Variants in CMIP observed in about 807,000 individuals in gnomAD.
The protein encoded by CMIP is c-Maf inducing protein.
CMIP carries 13 observed loss-of-function variants against 97.3 expected under a neutral mutation model. The ratio of observed to expected loss-of-function variants is 0.13; its 90% CI spans 0.09 to 0.21. The LOEUF (loss-of-function observed/expected upper bound fraction) is 0.21, where lower values mean the gene tolerates loss of function less well. Ranked by LOEUF, CMIP falls within the 10% of genes least tolerant of loss-of-function variation. The pLI, the probability that CMIP is intolerant of heterozygous loss-of-function variation, is 1.00. For synonymous variants in CMIP, 538 were observed against 436.3 expected, an observed-to-expected ratio of 1.23 and a Z score of -2.91; for missense variants, 847 against 1,024.9, an observed-to-expected ratio of 0.83 and a Z score of 2.37.
rs1328494878 is a variant in CMIP at position 81,616,803 on chromosome 16, G to A, written c.427-4073G>A. ...GAGACTGATGTGTAGCAGTGTCTGT[G>A]GTCAGTGGCTCTGAAGAAATCCGTC... On this transcript the variant is annotated intron_variant, in intron 2 of 20. Coordinates refer to ENST00000537098, the MANE Select transcript of CMIP (RefSeq NM_198390.3). The surrounding 1 kb of genome is among the most constrained non-coding windows in gnomAD (Gnocchi z 4.7). Among the ~76,000 whole-genome samples the A allele has an allele frequency of 2.0e-5, 3 of 152,364 alleles. No individual in the cohort carries two copies. The highest frequency in any genetic ancestry group is 3.9e-4 in the East Asian group (2 of 5,176).
At chr16:81,588,277 A>G (rs955162375) in intron 1 of CMIP, among the ~76,000 whole-genome samples, 2 of 152,182 alleles carry the variant, frequency 1.3e-5, no homozygotes, top group Non-Finnish European at 1.5e-5. Context: ...AAAGTACCCA[A>G]GTCTGTCTTT....
intron 1 of CMIP, among the ~76,000 whole-genome samples, chr16:81,493,648 A>G (rs1284413897): frequency 2.6e-5 from 4 of 152,226 alleles, no homozygotes; most frequent in Non-Finnish European, 5.9e-5. Flanking sequence ...CACTCTCCGC[A>G]TGGGAAAACT....
intron 10 of CMIP, among the ~76,000 whole-genome samples, chr16:81,685,309 C>G (rs1005297973): frequency 6.6e-6 from 1 of 152,118 alleles, no homozygotes. Context: ...CAGACCCCGC[C>G]TCAGACAGGC....
intron 14 of CMIP, chr16:81,698,183 G>A (rs973428132): frequency 3.3e-5 from 5 of 152,392 alleles, no homozygotes; most frequent in African/African-American, 1.2e-4. Context: ...GAGATGCATG[G>A]CTTGGAAGCC....
At chr16:81,570,545 G>T (rs755787251) in intron 1 of CMIP, among the ~76,000 whole-genome samples, 21 of 152,128 alleles carry the variant, frequency 1.4e-4, no homozygotes, top group Admixed American at 3.9e-4. Context: ...AGGTGGAAAC[G>T]CCAGGGAGCC....
intron 1 of CMIP, among the ~76,000 whole-genome samples, chr16:81,488,007 C>G (rs1427572976): frequency 2.0e-5 from 3 of 152,170 alleles, no homozygotes; most frequent in African/African-American, 7.2e-5. Flanking sequence ...AGCCTCGCAT[C>G]TTACTTTAAT....
intron 1 of CMIP, among the ~76,000 whole-genome samples, chr16:81,462,749 G>A (rs997126521): frequency 3.3e-5 from 5 of 152,180 alleles, no homozygotes; most frequent in African/African-American, 4.8e-5. Context: ...CTCTGATAAG[G>A]TGTAGTGCAT....
At chr16:81,672,226 A>G (rs999261137) in intron 9 of CMIP, among the ~76,000 whole-genome samples, 156 bp downstream of exon 9, 5 of 152,212 alleles carry the variant, frequency 3.3e-5, no homozygotes, top group African/African-American at 1.2e-4. Flanking sequence ...CCCTGGGCAC[A>G]TTGATTCATG....
At chr16:81,642,280 G>A (rs1464652186) in intron 3 of CMIP, among the ~76,000 whole-genome samples, 1 of 152,168 alleles carries the variant, frequency 6.6e-6, no homozygotes, top group Non-Finnish European at 1.5e-5. Context: ...TGCAGGGGCT[G>A]GTTTGTCTCA....
chr16:81,530,233 A>C (rs1220015754), intron 1 of CMIP, among the ~76,000 whole-genome samples: 2 of 152,202 alleles, frequency 1.3e-5, no homozygotes. Context: ...ATGAGGCTCC[A>C]GCCTTCTTAC....
chr16:81,656,770 G>T (rs756210017), intron 4 of CMIP, among the ~76,000 whole-genome samples: 6 of 152,032 alleles, frequency 3.9e-5, no homozygotes, highest in Non-Finnish European at 8.8e-5. Context: ...CCCGAGTAGC[G>T]AGTACCATGC....
chr16:81,705,577 A>T lies in CMIP; in HGVS notation c.2170A>T (p.Thr724Ser). ...GCTGAACCTGTGCGAGACCCCGGTC[A>T]CAGACGCTGGCCTGCTGGCCCTGAG... ...QVLNLCETPV[T>S]DAGLLALSSM... is the part of the protein sequence containing the mutation. The change falls in exon 19 of 21, where the codon ACA becomes TCA. Residue 724 changes from threonine (T) to serine (S), a missense_variant. By Grantham distance (58) the Thr-to-Ser change is moderately conservative. Around this residue, in one of 4 missense-constraint regions of CMIP, gnomAD observed 266 missense variants for 384.2 expected, o/e 0.69. Coordinates refer to ENST00000537098, the MANE Select transcript of CMIP (RefSeq NM_198390.3). 3 of 1,606,990 alleles carry T rather than the reference A, an allele frequency of 1.9e-6. No individual in the cohort carries two copies. The highest frequency in any genetic ancestry group is 2.5e-6 in the Non-Finnish European group (3 of 1,177,842).
intron 11 of CMIP, among the ~76,000 whole-genome samples, chr16:81,692,697 G>A (rs962080543): frequency 4.6e-5 from 7 of 152,214 alleles, no homozygotes; most frequent in South Asian, 2.1e-4. Flanking sequence ...GAGTCGTGAC[G>A]TCATTGGCCT....
chr16:81,612,722 C>CCAGAAGTCGGAAGCCTGGA (rs2091851805), intron 2 of CMIP, among the ~76,000 whole-genome samples: 1 of 152,174 alleles, frequency 6.6e-6, no homozygotes, highest in Non-Finnish European at 1.5e-5. Context: ...AGATTTAACA[C>CCAGAAGTCGGAAGCCTGGA]CAGAAGTCGG....
At chr16:81,459,044 A>G (rs1178428733) in intron 1 of CMIP, among the ~76,000 whole-genome samples, 15 of 141,078 alleles carry the variant, frequency 1.1e-4, no homozygotes, top group South Asian at 2.3e-4. Flanking sequence ...CACCATCACC[A>G]TCACCATCAC....
At position 81,705,287 on chromosome 16, in the gene CMIP, A is replaced by C. The variant is rs560871431; in HGVS notation, c.2092-212A>C. Among the ~76,000 whole-genome samples, 10 of 152,222 alleles carry C rather than the reference A, an allele frequency of 6.6e-5. No individual in the cohort carries two copies. In the East Asian group the frequency reaches 1.9e-3, roughly 29 times the overall value. Reference sequence around the variant, plus strand: ...TCCAAGGGGGCCCTGGCCTGGCTCCACTCCCAACAGCAGAAGCTGGATTCT... The same window carrying C: ...TCCAAGGGGGCCCTGGCCTGGCTCCCCTCCCAACAGCAGAAGCTGGATTCT... On this transcript the variant is annotated intron_variant, in intron 18 of 20. Coordinates refer to ENST00000537098, the MANE Select transcript of CMIP (RefSeq NM_198390.3).
chr16:81,652,116 TA>T lies in CMIP; in HGVS notation c.478-85del. On this transcript the variant is annotated intron_variant, in intron 3 of 20. Coordinates refer to ENST00000537098, the MANE Select transcript of CMIP (RefSeq NM_198390.3). The surrounding 1 kb of genome is among the most constrained non-coding windows in gnomAD (Gnocchi z 5.2). The stretch of plus-strand genomic sequence containing the variant: ...CAGTTTCTCAGGGCCCTTTACACCC[TA>T]ACCCATCTGATTCTTTGATTGTCTT... 8.9e-7 allele frequency: 1 copy of T among 1,125,310 alleles called. No individual in the cohort carries two copies. Among genetic ancestry groups the T allele is most frequent in the Non-Finnish European group, 1.3e-6 (1 of 761,648 alleles). 69.7% of individuals were successfully genotyped at this position (1,125,310 alleles called of 1,614,324 possible).
At chr16:81,669,511 ACCT>A (rs2092657736) in intron 7 of CMIP, among the ~76,000 whole-genome samples, 1 of 89,520 alleles carries the variant, frequency 1.1e-5, no homozygotes, top group Non-Finnish European at 2.3e-5. Context: ...TCCACCTCAC[ACCT>A]CCACACCCAC....
rs1399104931 is a variant in CMIP at position 81,709,901 on chromosome 16, G to C, written c.*102G>C. 1.0e-6 allele frequency: 1 copy of C among 968,860 alleles called. No individual in the cohort carries two copies. The highest frequency in any genetic ancestry group is 1.5e-6 in the Non-Finnish European group (1 of 670,104). 60.0% of individuals were successfully genotyped at this position (968,860 alleles called of 1,614,324 possible). A position where few individuals can be genotyped will look rare whatever the true frequency, so the allele number is the denominator to read the frequency against. ...TCCTGGGGTCCCACCCTGGTGCCCT[G>C]GCTGTGAGATAGATGGGGAGTCTTT... is the stretch of plus-strand genomic sequence containing the variant. On this transcript the variant is annotated 3_prime_UTR_variant, in exon 21 of 21. Transcript: ENST00000537098.
Sources: gnomAD v4.1 joint callset for allele counts (sites outside exome capture counted in the v4.1 genomes callset) on GRCh38, gnomAD v4.1.1 for gene constraint, gnomAD v4.1.1 regional missense constraint, Gnocchi (gnomAD v3.1) non-coding constraint, MANE v1.5 for transcripts, NCBI Gene and HGNC (gene_info 2026-07-23, HGNC 2026-07-21) for gene names.